The following DNM1L variants were observed in gnomAD, a reference collection of about 807,000 sequenced individuals.
DNM1L encodes the protein dynamin-1-like protein.
A neutral mutation model predicts 92.8 loss-of-function variants in DNM1L; 33 were observed. The ratio of observed to expected loss-of-function variants is 0.36; its 90% CI spans 0.27 to 0.48. DNM1L has a LOEUF of 0.48. DNM1L is among the 20% of genes least tolerant of loss of function. The pLI, the probability that DNM1L is intolerant of heterozygous loss-of-function variation, is 0.99. For synonymous variants in DNM1L, 284 were observed against 305.0 expected, an observed-to-expected ratio of 0.93 and a Z score of 0.72; for missense variants, 485 against 888.8, an observed-to-expected ratio of 0.55 and a Z score of 5.78.
chr12:32,690,495 G>A (rs1438649337), intron 1 of DNM1L, among the ~76,000 whole-genome samples: 1 of 152,066 alleles, frequency 6.6e-6, no homozygotes, highest in African/African-American at 2.4e-5. Flanking sequence ...TATATGTGCT[G>A]TCTTTCTTTA....
chr12:32,724,151 T>C (rs1276726652), intron 9 of DNM1L, among the ~76,000 whole-genome samples: 6 of 152,076 alleles, frequency 3.9e-5, no homozygotes, highest in Non-Finnish European at 5.9e-5. Flanking sequence ...TTGTCAAAAA[T>C]AGTCTTATCT....
At chr12:32,724,647 ATATT>A (rs1382335203) in intron 9 of DNM1L, among the ~76,000 whole-genome samples, 3 of 138,372 alleles carry the variant, frequency 2.2e-5, no homozygotes, top group Non-Finnish European at 3.0e-5. Flanking sequence ...TATAAATTAA[ATATT>A]TAATATATAT....
At chr12:32,738,081 T>C (rs1266253395) in intron 15 of DNM1L, 139 bp downstream of exon 15, 2 of 1,086,262 alleles carry the variant, frequency 1.8e-6, no homozygotes, top group East Asian at 2.6e-5. Context: ...TAATATATAT[T>C]TTAAAATTAT....
intron 9 of DNM1L, among the ~76,000 whole-genome samples, chr12:32,727,916 A>C (rs1357009102): frequency 6.6e-6 from 1 of 152,236 alleles, no homozygotes; most frequent in Non-Finnish European, 1.5e-5. Flanking sequence ...AGATTAAAGG[A>C]TATAACATCC....
chr12:32,737,717 G>T, intron 14 of DNM1L, 148 bp from the exon 15 acceptor site: 1 of 684,634 alleles, frequency 1.5e-6, no homozygotes. Flanking sequence ...AAGGAAATAA[G>T]GCAGAATAAA....
chr12:32,720,436 A>C (rs545795863), intron 7 of DNM1L, among the ~76,000 whole-genome samples: 4 of 152,332 alleles, frequency 2.6e-5, no homozygotes, highest in Non-Finnish European at 5.9e-5. Context: ...ACTTAGTTCA[A>C]GTCTTGGCTA....
rs753816187 is a variant in DNM1L, at chr12:32,731,084, C to T, written c.1150C>T (p.Leu384Phe). 1.2e-6 allele frequency: 2 copies of T among 1,613,868 alleles called. No homozygotes were observed. Among genetic ancestry groups the T allele is most frequent in the Non-Finnish European group, 8.5e-7 (1 of 1,179,992 alleles). Residue 384 changes from leucine to phenylalanine, a missense_variant, in exon 10 of 20, where the codon CTT becomes TTT. Physicochemically the swap from Leu to Phe is conservative, Grantham distance 22. Around this residue, in one of 11 missense-constraint regions of DNM1L, gnomAD observed 19 missense variants for 22.1 expected, o/e 0.86. Transcript: ENST00000549701. This position sits in a 1 kb window ranked among gnomAD's most constrained non-coding sequence, Gnocchi z 5.1. Reference sequence around the variant, plus strand: ...GCGAACCTTAGAATCTGTTGATCCACTTGGTGGCCTTAACACTATTGACAT... The same window carrying T: ...GCGAACCTTAGAATCTGTTGATCCATTTGGTGGCCTTAACACTATTGACAT... Reference protein sequence around the residue: ...FGRTLESVDPLGGLNTIDILT... With the variant: ...FGRTLESVDPFGGLNTIDILT...
chr12:32,724,590 AAAAAT>A (rs139532699), intron 9 of DNM1L, among the ~76,000 whole-genome samples: 2,950 of 57,552 alleles, frequency 0.051, 18 homozygotes, highest in Non-Finnish European at 0.095. Flanking sequence ...AAAAAAAAAA[AAAAAT>A]ATATATATAT....
At chr12:32,713,476 C>A in intron 6 of DNM1L, 105 bp downstream of exon 6, 1 of 1,229,620 alleles carries the variant, frequency 8.1e-7, no homozygotes, top group Non-Finnish European at 1.2e-6. Flanking sequence ...GTTTTGAATA[C>A]AAATTTAAAA....
chr12:32,694,233 G>T (rs188125936), intron 1 of DNM1L, among the ~76,000 whole-genome samples: 2 of 152,078 alleles, frequency 1.3e-5, no homozygotes, highest in Non-Finnish European at 2.9e-5. Context: ...CTACAGGTGC[G>T]TGCCACCTTG....
chr12:32,695,427 A>C (rs1365619313), intron 1 of DNM1L, among the ~76,000 whole-genome samples: 3 of 152,196 alleles, frequency 2.0e-5, no homozygotes, highest in Non-Finnish European at 2.9e-5. Flanking sequence ...TTCAAAAATT[A>C]ATTTGCATAA....
intron 2 of DNM1L, 92 bp downstream of exon 2, chr12:32,701,654 G>A: frequency 1.7e-6 from 2 of 1,181,830 alleles, no homozygotes; most frequent in Non-Finnish European, 2.5e-6. Flanking sequence ...TTAGAAATTA[G>A]TGACTGTAGC....
rs144761384 is a variant in DNM1L, at chr12:32,731,807, A to AAAAAAACAAAAAAC, written c.1357-43_1357-30dup. 1 of 1,520,018 alleles carries AAAAAAACAAAAAAC rather than the reference A, an allele frequency of 6.6e-7. No individual in the cohort carries two copies. Among genetic ancestry groups the AAAAAAACAAAAAAC allele is most frequent in the Non-Finnish European group, 9.1e-7 (1 of 1,096,962 alleles). 94.2% of individuals were successfully genotyped at this position (1,520,018 alleles called of 1,614,324 possible). ...TGGCTTAGTGAGACTATGACTTAAA[A>AAAAAAACAAAAAAC]AAAAAACAAAAAACAAACACGTTTT... On this transcript the variant is annotated intron_variant, in intron 11 of 19. Transcript: ENST00000549701. This position sits in a 1 kb window ranked among gnomAD's most constrained non-coding sequence, Gnocchi z 5.1.
intron 6 of DNM1L, among the ~76,000 whole-genome samples, chr12:32,717,278 A>T (rs1315604911): frequency 9.9e-6 from 1 of 101,336 alleles, no homozygotes; most frequent in Non-Finnish European, 1.8e-5. Flanking sequence ...ACTATATATT[A>T]TATATACACT....
intron 18 of DNM1L, 147 bp downstream of exon 18, chr12:32,740,665 G>A: frequency 1.4e-6 from 1 of 692,022 alleles, no homozygotes; most frequent in Admixed American, 2.7e-5. Context: ...GTAACTTGTA[G>A]CAAGACCCAT....
At chr12:32,696,466 G>T (rs1445834894) in intron 1 of DNM1L, among the ~76,000 whole-genome samples, 1 of 151,770 alleles carries the variant, frequency 6.6e-6, no homozygotes, top group Admixed American at 6.6e-5. Context: ...GCTGGGTGTG[G>T]TGGTGTGAGC....
chr12:32,690,725 TTGGAA>T (rs1206342074), intron 1 of DNM1L, among the ~76,000 whole-genome samples: 3 of 152,186 alleles, frequency 2.0e-5, no homozygotes, highest in Non-Finnish European at 4.4e-5. Flanking sequence ...GGTAAATCAC[TTGGAA>T]TGGTAGTAGC....
chr12:32,681,715 A>G (rs980743518), intron 1 of DNM1L, among the ~76,000 whole-genome samples: 7 of 151,818 alleles, frequency 4.6e-5, no homozygotes, highest in African/African-American at 1.7e-4. Context: ...GTGTTGTGTA[A>G]CATATATGTA....
chr12:32,726,668 G>A (rs1035838262), intron 9 of DNM1L: 2 of 708,486 alleles, frequency 2.8e-6, no homozygotes, highest in Non-Finnish European at 5.0e-6. Context: ...TAAAGAAAGA[G>A]TCATTGGAAA....
Sources: allele counts gnomAD v4.1 joint callset (sites outside exome capture counted in the v4.1 genomes callset), GRCh38; gene constraint gnomAD v4.1.1; regional missense constraint gnomAD v4.1.1; non-coding constraint Gnocchi (gnomAD v3.1); transcripts MANE v1.5; gene names NCBI Gene and HGNC (gene_info 2026-07-23, HGNC 2026-07-21).